DOCK3: variants seen among roughly 807,000 people sequenced by gnomAD.
DOCK3 encodes dedicator of cytokinesis 3, also known as dedicator of cytokinesis protein 3.
DOCK3 carries 60 observed loss-of-function variants against 265.6 expected under a neutral mutation model. The ratio of observed to expected loss-of-function variants is 0.23; its 90% CI spans 0.18 to 0.28. The LOEUF (loss-of-function observed/expected upper bound fraction) is 0.28. DOCK3 is among the 10% of genes least tolerant of loss of function. The pLI, the probability that DOCK3 is intolerant of heterozygous loss-of-function variation, is 1.00. For missense variants in DOCK3, 1,981 were observed against 2,594.3 expected (o/e 0.76, Z 5.14); for synonymous variants, 881 against 938.0 (o/e 0.94, Z 1.11).
intron 4 of DOCK3, among the ~76,000 whole-genome samples, chr3:50,906,232 G>A (rs2049489189): frequency 6.6e-6 from 1 of 151,778 alleles, no homozygotes; most frequent in Non-Finnish European, 1.5e-5. Context: ...CTCTTTTTTT[G>A]CTGTGTCTCT....
At chr3:50,917,521 T>A (rs1275573679) in intron 4 of DOCK3, among the ~76,000 whole-genome samples, 1 of 152,102 alleles carries the variant, frequency 6.6e-6, no homozygotes, top group Non-Finnish European at 1.5e-5. Context: ...AAGGATATTT[T>A]AAATTTTCAG....
At chr3:50,807,569 T>A (rs1466744112) in intron 2 of DOCK3, among the ~76,000 whole-genome samples, 1 of 152,174 alleles carries the variant, frequency 6.6e-6, no homozygotes, top group Admixed American at 6.5e-5. Context: ...CCACATCTGT[T>A]GAACATAGTA....
At chr3:51,278,191 C>T (rs2080917277) in intron 26 of DOCK3, 1 of 985,174 alleles carries the variant, frequency 1.0e-6, no homozygotes, top group Non-Finnish European at 1.2e-6. Context: ...TTGCTTTTGT[C>T]CATTATGTTT....
intron 27 of DOCK3, among the ~76,000 whole-genome samples, chr3:51,287,942 T>C (rs1247176542): frequency 2.0e-5 from 3 of 152,356 alleles, no homozygotes; most frequent in Middle Eastern, 6.8e-3. Context: ...CACGTTGGAA[T>C]ACTACACAGC....
At chr3:51,024,487 A>G (rs1391784327) in intron 5 of DOCK3, among the ~76,000 whole-genome samples, 3 of 152,164 alleles carry the variant, frequency 2.0e-5, no homozygotes, top group Admixed American at 2.0e-4. Context: ...TCAGGGGTAG[A>G]TCTCAATTAG....
At chr3:50,728,119 G>A (rs1308370539) in intron 1 of DOCK3, among the ~76,000 whole-genome samples, 3 of 152,134 alleles carry the variant, frequency 2.0e-5, no homozygotes, top group African/African-American at 4.8e-5. Context: ...TAATTAAAAT[G>A]AAATAAAAAC....
intron 5 of DOCK3, among the ~76,000 whole-genome samples, chr3:51,022,693 T>G (rs2079646177): frequency 1.3e-5 from 2 of 152,202 alleles, no homozygotes; most frequent in Non-Finnish European, 2.9e-5. Flanking sequence ...GATTGTTTCT[T>G]TTGCTGTACA....
At chr3:51,156,920 C>T (rs1375983010) in intron 10 of DOCK3, among the ~76,000 whole-genome samples, 1 of 152,080 alleles carries the variant, frequency 6.6e-6, no homozygotes, top group African/African-American at 2.4e-5. Context: ...TTTCTATATC[C>T]TTCAGTAATC....
chr3:50,880,331 G>T (rs561343719), intron 3 of DOCK3, among the ~76,000 whole-genome samples: 1 of 152,054 alleles, frequency 6.6e-6, no homozygotes, highest in Non-Finnish European at 1.5e-5. Flanking sequence ...AATCAATGAA[G>T]CCAGGAGCTG....
chr3:51,043,757 T>C (rs1458148418), intron 5 of DOCK3, among the ~76,000 whole-genome samples: 3 of 150,680 alleles, frequency 2.0e-5, no homozygotes, highest in Non-Finnish European at 4.4e-5. Context: ...CTTTAAAGAG[T>C]GGGCAAAGGA....
intron 5 of DOCK3, among the ~76,000 whole-genome samples, chr3:50,985,061 A>G (rs1249809329): frequency 6.6e-6 from 1 of 152,184 alleles, no homozygotes; most frequent in Non-Finnish European, 1.5e-5. Flanking sequence ...ACTTACATTC[A>G]CACATATGTA....
intron 1 of DOCK3, among the ~76,000 whole-genome samples, chr3:50,726,365 T>C (rs944765299): frequency 3.9e-5 from 6 of 152,052 alleles, no homozygotes; most frequent in African/African-American, 9.7e-5. Context: ...GGGAAGGAGA[T>C]ACAGGAGGTA....
At chr3:50,897,849 C>T (rs1390623147) in intron 4 of DOCK3, among the ~76,000 whole-genome samples, 3 of 106,914 alleles carry the variant, frequency 2.8e-5, no homozygotes, top group Non-Finnish European at 5.6e-5. Flanking sequence ...GGTGGATAAG[C>T]TTTTTGACGT....
chr3:51,092,296 C>G (rs905576961), intron 9 of DOCK3, among the ~76,000 whole-genome samples: 1 of 152,210 alleles, frequency 6.6e-6, no homozygotes, highest in Non-Finnish European at 1.5e-5. Flanking sequence ...CAGCAGCAGA[C>G]TGAGATCGAC....
chr3:51,375,166 T>C (rs567674686), intron 50 of DOCK3, among the ~76,000 whole-genome samples: 73 of 152,318 alleles, frequency 4.8e-4, no homozygotes, highest in African/African-American at 1.6e-3. Flanking sequence ...TCAGGGTCCA[T>C]AAAAGTCACC....
At chr3:50,961,597 G>C (rs2076887665) in intron 5 of DOCK3, among the ~76,000 whole-genome samples, 1 of 152,168 alleles carries the variant, frequency 6.6e-6, no homozygotes, top group Non-Finnish European at 1.5e-5. Context: ...ACAAAGATTA[G>C]ATCATTATAT....
intron 5 of DOCK3, among the ~76,000 whole-genome samples, chr3:51,032,802 C>CT (rs1260534260): frequency 6.6e-6 from 1 of 152,042 alleles, no homozygotes; most frequent in Non-Finnish European, 1.5e-5. Context: ...GTCCCAAGTA[C>CT]TTGGGAGGCT....
At chr3:51,365,469 A>G (rs1230522091) in intron 49 of DOCK3, among the ~76,000 whole-genome samples, 1 of 152,100 alleles carries the variant, frequency 6.6e-6, no homozygotes, top group Non-Finnish European at 1.5e-5. Flanking sequence ...CTAATTGAAT[A>G]CCCTTTATTT....
chr3:50,742,424 AG>A (rs1267015651), intron 1 of DOCK3, among the ~76,000 whole-genome samples: 1 of 151,692 alleles, frequency 6.6e-6, no homozygotes, highest in Non-Finnish European at 1.5e-5. Context: ...TTCAAACCAA[AG>A]GCAAAGAAGT....
Sources: allele counts gnomAD v4.1 joint callset (sites outside exome capture counted in the v4.1 genomes callset), GRCh38; gene constraint gnomAD v4.1.1; transcripts MANE v1.5; gene names NCBI Gene and HGNC (gene_info 2026-07-23, HGNC 2026-07-21).